Variants in GPC5 observed in about 807,000 individuals in gnomAD.
The protein encoded by GPC5 is glypican 5.
Under a neutral mutation model 53.9 loss-of-function variants are expected in GPC5, and 47 were observed. The ratio of observed to expected loss-of-function variants is 0.87; its 90% CI spans 0.69 to 1.11. The LOEUF is 1.11. GPC5 is among the 50% of genes most tolerant of loss of function. The pLI, the probability that GPC5 is intolerant of heterozygous loss-of-function variation, is 0.00. For missense variants in GPC5, 748 were observed against 713.1 expected (o/e 1.05, Z -0.56); for synonymous variants, 286 against 263.3 (o/e 1.09, Z -0.84).
chr13:92,662,065 G>A (rs1035559832), intron 7 of GPC5, among the ~76,000 whole-genome samples: 2 of 152,056 alleles, frequency 1.3e-5, no homozygotes, highest in Admixed American at 6.6e-5. Flanking sequence ...CAATATGTCT[G>A]CTATACATAT....
chr13:92,642,402 CA>C (rs1885624312), intron 7 of GPC5, among the ~76,000 whole-genome samples: 1 of 152,190 alleles, frequency 6.6e-6, no homozygotes, highest in Non-Finnish European at 1.5e-5. Flanking sequence ...GGGAATGCCT[CA>C]AAGCAGAATT....
chr13:92,025,217 A>T (rs2040791209), intron 6 of GPC5, among the ~76,000 whole-genome samples: 1 of 152,098 alleles, frequency 6.6e-6, no homozygotes, highest in Non-Finnish European at 1.5e-5. Flanking sequence ...AATTCTAGTT[A>T]AGATTCTTAA....
At chr13:92,124,182 A>G (rs765149314) in intron 6 of GPC5, among the ~76,000 whole-genome samples, 14 of 150,044 alleles carry the variant, frequency 9.3e-5, no homozygotes, top group Non-Finnish European at 2.1e-4. Context: ...ATGTAATAAA[A>G]TCTTAGCAAT....
intron 7 of GPC5, among the ~76,000 whole-genome samples, chr13:92,762,524 T>C (rs1875224937): frequency 6.6e-6 from 1 of 152,186 alleles, no homozygotes; most frequent in Admixed American, 6.5e-5. Context: ...ATCTTTGATT[T>C]TGACAATTTA....
chr13:91,967,121 G>A (rs1344680142), intron 6 of GPC5, among the ~76,000 whole-genome samples: 6 of 152,148 alleles, frequency 3.9e-5, no homozygotes, highest in Admixed American at 6.5e-5. Context: ...GGTGAAAGCC[G>A]TGTCTTACAT....
intron 6 of GPC5, among the ~76,000 whole-genome samples, chr13:91,959,057 A>AACACACACACACACAAACACACAC (rs2040100914): frequency 7.8e-6 from 1 of 127,654 alleles, no homozygotes; most frequent in Non-Finnish European, 1.6e-5. Flanking sequence ...GAATGGAGAC[A>AACACACACACACACAAACACACAC]ACACACACAC....
chr13:92,400,258 T>A (rs553217897), intron 7 of GPC5, among the ~76,000 whole-genome samples: 1 of 152,182 alleles, frequency 6.6e-6, no homozygotes, highest in African/African-American at 2.4e-5. Context: ...AATAAAGATA[T>A]GCTCCAAAGT....
chr13:91,977,109 G>T (rs1594701117), intron 6 of GPC5, among the ~76,000 whole-genome samples: 1 of 151,660 alleles, frequency 6.6e-6, no homozygotes, highest in South Asian at 2.1e-4. Flanking sequence ...CAATTTTTAT[G>T]TTTATCCAAA....
At chr13:92,692,324 C>T (rs1011546148) in intron 7 of GPC5, among the ~76,000 whole-genome samples, 1 of 152,026 alleles carries the variant, frequency 6.6e-6, no homozygotes, top group African/African-American at 2.4e-5. Context: ...GTGAATAGTG[C>T]TGCAATGAAT....
chr13:91,485,291 C>T (rs1048610450), intron 2 of GPC5, among the ~76,000 whole-genome samples: 3 of 151,224 alleles, frequency 2.0e-5, no homozygotes, highest in African/African-American at 4.9e-5. Flanking sequence ...CAGCTCACTG[C>T]AACCTCTGCC....
At chr13:91,672,056 CT>C (rs2035263026) in intron 2 of GPC5, among the ~76,000 whole-genome samples, 1 of 152,086 alleles carries the variant, frequency 6.6e-6, no homozygotes, top group Admixed American at 6.6e-5. Context: ...AAAACTGAAA[CT>C]GGACCACTTC....
At chr13:92,524,427 A>G (rs980307499) in intron 7 of GPC5, among the ~76,000 whole-genome samples, 3 of 152,248 alleles carry the variant, frequency 2.0e-5, no homozygotes, top group Non-Finnish European at 4.4e-5. Context: ...AAGTCTATCT[A>G]TGTTCAGTAC....
chr13:91,926,858 A>G (rs991732163), intron 6 of GPC5, among the ~76,000 whole-genome samples: 1 of 152,194 alleles, frequency 6.6e-6, no homozygotes, highest in Non-Finnish European at 1.5e-5. Context: ...TACAGTACAA[A>G]AGTACTATTT....
At chr13:92,298,254 G>T (rs1391109353) in intron 7 of GPC5, among the ~76,000 whole-genome samples, 1 of 152,196 alleles carries the variant, frequency 6.6e-6, no homozygotes, top group African/African-American at 2.4e-5. Context: ...CCGCCTCCCA[G>T]CTGCGAAAGT....
rs543220738 is a variant in GPC5, at chr13:92,453,028, T to G, written c.1561+308039T>G. Among the ~76,000 whole-genome samples, 4 of 152,318 alleles carry G rather than the reference T, an allele frequency of 2.6e-5. No individual in the cohort carries two copies. The Middle Eastern group carries it at 0.01, about 389-fold the overall frequency. On this transcript the variant is annotated intron_variant, in intron 7 of 7. Coordinates refer to ENST00000377067, the MANE Select transcript of GPC5 (RefSeq NM_004466.6). ...CCCTATGCCGCACTACTACGCAGTA[T>G]CTCAGCCAGCTGGAACTGTGATTGC... is the stretch of plus-strand genomic sequence containing the variant.
chr13:91,468,828 C>A (rs1882414714), intron 2 of GPC5, among the ~76,000 whole-genome samples: 1 of 144,920 alleles, frequency 6.9e-6, no homozygotes, highest in South Asian at 2.2e-4. Context: ...CCAATAAAAT[C>A]TTTACTATTC....
intron 7 of GPC5, among the ~76,000 whole-genome samples, chr13:92,395,269 A>C (rs1303798884): frequency 6.6e-6 from 1 of 152,116 alleles, no homozygotes; most frequent in Admixed American, 6.5e-5. Flanking sequence ...TAAATTTTTA[A>C]AATTATTTTT....
chr13:91,497,950 A>G lies in GPC5; in HGVS notation c.325+49028A>G, dbSNP rs139702489. Among the ~76,000 whole-genome samples, 1,440 of 152,152 alleles carry G rather than the reference A, an allele frequency of 9.5e-3. 21 individuals carry two copies. The highest frequency in any genetic ancestry group is 0.03 in the African/African-American group (1,238 of 41,516). ...GTATCCTTTGTGTTACAAACAATCCAATTCTTGCCATTTCCCCTACTTTTG... is the reference window on the plus strand; with the variant it reads ...GTATCCTTTGTGTTACAAACAATCCGATTCTTGCCATTTCCCCTACTTTTG... On this transcript the variant is annotated intron_variant, in intron 2 of 7. Coordinates refer to ENST00000377067, the MANE Select transcript of GPC5 (RefSeq NM_004466.6).
In GPC5 at chr13:92,395,377, A is replaced by G. The variant is rs1230363721; in HGVS notation, c.1561+250388A>G. 2.0e-5 allele frequency among the ~76,000 whole-genome samples: 3 copies of G among 152,194 alleles called. No individual in the cohort carries two copies. The East Asian group carries it at 5.8e-4, about 29-fold the overall frequency. On this transcript the variant is annotated intron_variant, in intron 7 of 7. Coordinates refer to ENST00000377067, the MANE Select transcript of GPC5 (RefSeq NM_004466.6). ...TCACATGTGGTGTAGGTTTCTTATA[A>G]CAGACTATTCCCAATTCCCCCGTTT...
Sources: allele counts gnomAD v4.1 joint callset (sites outside exome capture counted in the v4.1 genomes callset), GRCh38; gene constraint gnomAD v4.1.1; transcripts MANE v1.5; gene names NCBI Gene and HGNC (gene_info 2026-07-23, HGNC 2026-07-21).